Variants in ASTN2 observed in about 807,000 individuals in gnomAD.
The protein encoded by ASTN2 is astrotactin 2.
In ASTN2, 54 loss-of-function variants were observed where a neutral mutation model predicts 139.8. The observed-to-expected ratio is 0.39, with a 90% CI of 0.31 to 0.48. The LOEUF is 0.48. ASTN2 is among the 20% of genes least tolerant of loss of function. ASTN2 has a pLI of 0.95. For missense variants in ASTN2, 1,565 were observed against 1,725.1 expected, an observed-to-expected ratio of 0.91 and a Z score of 1.64; for synonymous variants, 756 against 719.5, an observed-to-expected ratio of 1.05 and a Z score of -0.81.
At chr9:117,320,967 T>A (rs1329686925) in intron 1 of ASTN2, among the ~76,000 whole-genome samples, 1 of 152,228 alleles carries the variant, frequency 6.6e-6, no homozygotes, top group Admixed American at 6.5e-5. Context: ...TGTTCTGGTG[T>A]GCTGCTTGCT....
intron 7 of ASTN2, among the ~76,000 whole-genome samples, chr9:116,993,427 C>T (rs1836915724): frequency 6.6e-6 from 1 of 151,814 alleles, no homozygotes; most frequent in Admixed American, 6.6e-5. Context: ...ACCATTTCTG[C>T]AACATGTACA....
At chr9:116,487,265 T>A (rs1028549782) in intron 20 of ASTN2, 94 bp downstream of exon 20, 2 of 1,467,984 alleles carry the variant, frequency 1.4e-6, no homozygotes, top group Non-Finnish European at 1.8e-6. Context: ...AATAAAACAT[T>A]TGGCTGGCCT....
chr9:117,180,911 C>T (rs1192059672), intron 3 of ASTN2: 2 of 1,593,340 alleles, frequency 1.3e-6, no homozygotes, highest in Non-Finnish European at 8.5e-7. Context: ...ATTACATGCT[C>T]CTTGTTCTGC....
intron 13 of ASTN2, among the ~76,000 whole-genome samples, chr9:116,754,722 G>C (rs1250389334): frequency 6.6e-6 from 1 of 152,122 alleles, no homozygotes; most frequent in Non-Finnish European, 1.5e-5. Flanking sequence ...AAGCTGAAAA[G>C]TGTGTTTAGG....
chr9:116,776,420 G>A (rs1230908232), intron 13 of ASTN2, among the ~76,000 whole-genome samples: 2 of 152,196 alleles, frequency 1.3e-5, no homozygotes, highest in East Asian at 3.8e-4. Flanking sequence ...AGAGAGTTGT[G>A]ATGGGTTACC....
At chr9:116,585,677 T>C (rs1035493429) in intron 19 of ASTN2, 1 of 152,150 alleles carries the variant, frequency 6.6e-6, no homozygotes, top group Non-Finnish European at 1.5e-5. Context: ...TCAAGATGGA[T>C]TAAAGATTTA....
intron 16 of ASTN2, chr9:116,697,328 T>C (rs1860913650): frequency 8.8e-6 from 2 of 227,992 alleles, no homozygotes; most frequent in Admixed American, 1.0e-4. Context: ...TTAGCCCTTA[T>C]AATAACCATA....
chr9:116,870,140 A>G (rs986345916), intron 10 of ASTN2, among the ~76,000 whole-genome samples: 1 of 152,152 alleles, frequency 6.6e-6, no homozygotes, highest in Admixed American at 6.5e-5. Context: ...AAAAAATAAA[A>G]AATAAAAAAT....
intron 1 of ASTN2, among the ~76,000 whole-genome samples, chr9:117,406,025 C>T (rs1026412791): frequency 1.3e-5 from 2 of 152,146 alleles, no homozygotes; most frequent in African/African-American, 4.8e-5. Flanking sequence ...AAATTCAGCC[C>T]ATCTCAAGTT....
At chr9:117,013,780 T>C (rs933759671) in intron 6 of ASTN2, among the ~76,000 whole-genome samples, 3 of 152,010 alleles carry the variant, frequency 2.0e-5, no homozygotes, top group South Asian at 4.1e-4. Context: ...AGGCTACAGA[T>C]GAGAACTAAA....
intron 19 of ASTN2, among the ~76,000 whole-genome samples, chr9:116,498,378 A>T (rs1329949279): frequency 6.6e-6 from 1 of 152,070 alleles, no homozygotes; most frequent in Non-Finnish European, 1.5e-5. Flanking sequence ...TGAGGCCAGG[A>T]GGTCAAGATC....
intron 2 of ASTN2, among the ~76,000 whole-genome samples, chr9:117,215,902 G>C (rs1832303648): frequency 6.6e-6 from 1 of 152,136 alleles, no homozygotes; most frequent in East Asian, 1.9e-4. Flanking sequence ...GTAGAGAGAG[G>C]CTTCAAAAAA....
At chr9:117,151,824 C>T (rs1011965176) in intron 3 of ASTN2, among the ~76,000 whole-genome samples, 57 of 152,140 alleles carry the variant, frequency 3.7e-4, no homozygotes, top group African/African-American at 1.3e-3. Context: ...AGAGAGCCTG[C>T]TGTTTTCTAC....
intron 3 of ASTN2, among the ~76,000 whole-genome samples, chr9:117,188,898 C>G (rs1025002680): frequency 6.6e-6 from 1 of 152,096 alleles, no homozygotes; most frequent in African/African-American, 2.4e-5. Flanking sequence ...GCCTCTCTAA[C>G]CATGCTCAGT....
At chr9:116,458,248 G>A (rs1848389625) in intron 20 of ASTN2, among the ~76,000 whole-genome samples, 1 of 150,626 alleles carries the variant, frequency 6.6e-6, no homozygotes, top group Non-Finnish European at 1.5e-5. Context: ...AAGAGGGGTT[G>A]GTTAATAGGC....
intron 16 of ASTN2, among the ~76,000 whole-genome samples, chr9:116,662,103 G>C (rs941461773): frequency 6.6e-6 from 1 of 152,000 alleles, no homozygotes; most frequent in African/African-American, 2.4e-5. Context: ...TGCCATGCCT[G>C]TGCTCCTGCA....
At chr9:117,356,668 T>C (rs1829546761) in intron 1 of ASTN2, among the ~76,000 whole-genome samples, 2 of 152,072 alleles carry the variant, frequency 1.3e-5, no homozygotes, top group Non-Finnish European at 2.9e-5. Context: ...AATTAGAGTA[T>C]GTCAAAAATG....
chr9:116,849,348 T>G (rs1348806234), intron 11 of ASTN2, among the ~76,000 whole-genome samples: 1 of 152,156 alleles, frequency 6.6e-6, no homozygotes, highest in Non-Finnish European at 1.5e-5. Flanking sequence ...TAATCTTGTC[T>G]TGGCCTTTCC....
At chr9:117,384,392 T>G (rs1396635457) in intron 1 of ASTN2, among the ~76,000 whole-genome samples, 2 of 152,134 alleles carry the variant, frequency 1.3e-5, no homozygotes, top group African/African-American at 4.8e-5. Context: ...GTATAACACA[T>G]CTCGGCCTAA....
Sources: gnomAD v4.1 joint callset for allele counts (sites outside exome capture counted in the v4.1 genomes callset) on GRCh38, gnomAD v4.1.1 for gene constraint, MANE v1.5 for transcripts, NCBI Gene and HGNC (gene_info 2026-07-23, HGNC 2026-07-21) for gene names.